ABL2: variants seen among roughly 807,000 people sequenced by gnomAD.
The protein encoded by ABL2 is tyrosine-protein kinase ABL2.
A neutral mutation model predicts 107.7 loss-of-function variants in ABL2; 49 were observed. The ratio of observed to expected loss-of-function variants is 0.45; its 90% CI spans 0.36 to 0.58. The LOEUF is 0.58. ABL2 is among the 20% of genes least tolerant of loss of function. The probability of loss-of-function intolerance (pLI) is 0.00; values close to 1 mark genes in which losing one functional copy is unlikely to be tolerated. For missense variants in ABL2, 1,245 were observed against 1,457.0 expected (o/e 0.85, Z 2.37); for synonymous variants, 549 against 548.6 (o/e 1.00, Z -0.01).
chr1:179,132,252 T>C (rs1028894529), intron 2 of ABL2, among the ~76,000 whole-genome samples: 2 of 152,236 alleles, frequency 1.3e-5, no homozygotes, highest in Admixed American at 1.3e-4. Flanking sequence ...GAGTTTCTAC[T>C]CAAAGTGGTC....
chr1:179,114,604 A>C (rs1470467252), intron 9 of ABL2, among the ~76,000 whole-genome samples: 1 of 152,044 alleles, frequency 6.6e-6, no homozygotes, highest in Non-Finnish European at 1.5e-5. Flanking sequence ...GGCCCTCCCC[A>C]CCTTAATCTC....
rs367997091 is a variant in ABL2 at position 179,107,814 on chromosome 1, C to G, written c.3453G>C (p.Gln1151His). 6.2e-7 allele frequency: 1 copy of G among 1,614,092 alleles called. No individual in the cohort carries two copies. Among genetic ancestry groups the G allele is most frequent in the Non-Finnish European group, 8.5e-7 (1 of 1,180,054 alleles). Residue 1151 changes from glutamine (Q) to histidine (H), a missense_variant, in exon 12 of 12, where the codon CAG becomes CAC. Transcript: ENST00000502732. ...SKLELSLQEL[Q>H]VSSAAAGVPG... ...GCACACCAGCAGCTGCTGAAGAAAC[C>G]TGTAGCTCCTGCAGGCTGAGTTCCA... is the stretch of plus-strand genomic sequence containing the variant.
chr1:179,213,668 C>T (rs564632820), intron 1 of ABL2, among the ~76,000 whole-genome samples: 5 of 152,282 alleles, frequency 3.3e-5, no homozygotes, highest in African/African-American at 1.2e-4. Flanking sequence ...TAGCTGCCAT[C>T]CTCAACAGTA....
chr1:179,128,606 T>G (rs919859975), intron 3 of ABL2, among the ~76,000 whole-genome samples: 1 of 152,222 alleles, frequency 6.6e-6, no homozygotes, highest in Non-Finnish European at 1.5e-5. Flanking sequence ...CCTGGAAGTT[T>G]TGACTACCAT....
intron 1 of ABL2, among the ~76,000 whole-genome samples, chr1:179,204,303 A>G (rs1280446452): frequency 2.0e-5 from 3 of 152,076 alleles, no homozygotes; most frequent in Non-Finnish European, 2.9e-5. Flanking sequence ...CTGGGATTAT[A>G]GGCATAAGCC....
At chr1:179,188,055 C>A (rs1368977427) in intron 1 of ABL2, among the ~76,000 whole-genome samples, 4 of 152,202 alleles carry the variant, frequency 2.6e-5, no homozygotes, top group Non-Finnish European at 4.4e-5. Context: ...CAGCCTTCTT[C>A]TCCAGCCAGT....
chr1:179,223,149 C>T (rs1662973620), intron 1 of ABL2, among the ~76,000 whole-genome samples: 2 of 148,954 alleles, frequency 1.3e-5, no homozygotes, highest in Non-Finnish European at 3.0e-5. Flanking sequence ...TGCAGGGCCT[C>T]ATGTCTGTAA....
At chr1:179,169,969 G>A (rs1468813226) in intron 1 of ABL2, among the ~76,000 whole-genome samples, 1 of 152,118 alleles carries the variant, frequency 6.6e-6, no homozygotes, top group Non-Finnish European at 1.5e-5. Context: ...TAAGGCTGCA[G>A]TGAGCTATCA....
At chr1:179,122,953 C>T (rs1178512010) in intron 4 of ABL2, among the ~76,000 whole-genome samples, 2 of 152,150 alleles carry the variant, frequency 1.3e-5, no homozygotes, top group Non-Finnish European at 2.9e-5. Flanking sequence ...AACTACCACG[C>T]CCGGCCAGTC....
chr1:179,113,051 G>A lies in ABL2; in HGVS notation c.1562-653C>T, dbSNP rs751784489. Among the ~76,000 whole-genome samples the A allele has an allele frequency of 2.2e-3, 333 of 152,312 alleles. 1 individual carries two copies. Among genetic ancestry groups the A allele is most frequent in the Non-Finnish European group, 4.5e-3 (304 of 68,028 alleles). ...TTACAGGCTTGAGCCACTGCACCCA[G>A]CCAAAGTGAGCACACACAGCGATCT... is the stretch of plus-strand genomic sequence containing the variant. On this transcript the variant is annotated intron_variant, in intron 9 of 11. Transcript: ENST00000502732.
At chr1:179,207,183 G>A (rs74131936) in intron 1 of ABL2, among the ~76,000 whole-genome samples, 21 of 93,050 alleles carry the variant, frequency 2.3e-4, no homozygotes, top group African/African-American at 8.5e-4. Context: ...TTTTTTTTTT[G>A]TTAGGGCCTC....
intron 4 of ABL2, among the ~76,000 whole-genome samples, chr1:179,122,150 G>A (rs1156740476): frequency 5.3e-5 from 8 of 151,384 alleles, no homozygotes; most frequent in African/African-American, 9.7e-5. Context: ...TCCTGACCTC[G>A]TGATCTGCCG....
intron 1 of ABL2, 102 bp from the exon 2 acceptor site, chr1:179,133,476 G>T (rs1472345641): frequency 6.3e-7 from 1 of 1,590,908 alleles, no homozygotes; most frequent in Non-Finnish European, 8.6e-7. Flanking sequence ...GGCCTTTCAT[G>T]ATCAGGTCTC....
At chr1:179,175,894 C>T (rs1373969531) in intron 1 of ABL2, among the ~76,000 whole-genome samples, 4 of 140,922 alleles carry the variant, frequency 2.8e-5, no homozygotes, top group East Asian at 2.1e-4. Context: ...CTCCTTCTGT[C>T]GGCCAGGCTG....
intron 1 of ABL2, among the ~76,000 whole-genome samples, chr1:179,144,313 A>G (rs1191769548): frequency 6.6e-6 from 1 of 151,994 alleles, no homozygotes. Flanking sequence ...ACAAAAAATT[A>G]GCCCGGCATG....
chr1:179,201,650 G>A (rs943517975), intron 1 of ABL2: 2 of 498,886 alleles, frequency 4.0e-6, no homozygotes, highest in Admixed American at 5.2e-5. Context: ...CTTCCTTTCG[G>A]GATAGCGTGT....
rs997890038 is a variant in ABL2, at chr1:179,108,882, A to G, written c.2385T>C (p.Asp795=). The change falls in exon 12 of 12, where the codon GAT becomes GAC. Residue 795 remains aspartate, a synonymous_variant. Coordinates refer to ENST00000502732, the MANE Select transcript of ABL2 (RefSeq NM_007314.4). The part of the protein sequence containing the change: ...SSMSSGLPEQ[D]RMAMTLPRNC... Reference sequence around the variant, plus strand: ...TCCTGGGAAGGGTCATTGCCATCCTATCCTGCTCTGGAAGCCCTGAGGACA... The same window carrying G: ...TCCTGGGAAGGGTCATTGCCATCCTGTCCTGCTCTGGAAGCCCTGAGGACA... 2 of 1,613,962 alleles carry G rather than the reference A, an allele frequency of 1.2e-6. No homozygotes were observed. Among genetic ancestry groups the G allele is most frequent in the African/African-American group, 2.7e-5 (2 of 74,884 alleles).
chr1:179,196,797 A>C (rs925746705), intron 1 of ABL2, among the ~76,000 whole-genome samples: 10 of 151,588 alleles, frequency 6.6e-5, no homozygotes, highest in Non-Finnish European at 8.8e-5. Context: ...AAAAAAAAAA[A>C]CCCCACTGAC....
chr1:179,211,954 T>G (rs1662300701), intron 1 of ABL2, among the ~76,000 whole-genome samples: 1 of 152,186 alleles, frequency 6.6e-6, no homozygotes. Context: ...TATGTATTTG[T>G]CCATTCTCAC....
Sources: gnomAD v4.1 joint callset for allele counts (sites outside exome capture counted in the v4.1 genomes callset) on GRCh38, gnomAD v4.1.1 for gene constraint, MANE v1.5 for transcripts, NCBI Gene and HGNC (gene_info 2026-07-23, HGNC 2026-07-21) for gene names.